Variants in RTN1 observed in about 807,000 individuals in gnomAD.
RTN1 encodes the protein reticulon 1, also known as reticulon-1.
RTN1 carries 25 observed loss-of-function variants against 65.5 expected under a neutral mutation model. The ratio of observed to expected loss-of-function variants is 0.38; its 90% CI spans 0.28 to 0.53. RTN1 has a LOEUF of 0.53. Ranked by LOEUF, RTN1 falls within the 20% of genes least tolerant of loss-of-function variation. The probability of loss-of-function intolerance (pLI) is 0.79; values close to 1 mark genes in which losing one functional copy is unlikely to be tolerated. For missense variants in RTN1, 983 were observed against 1,025.4 expected, an observed-to-expected ratio of 0.96 and a Z score of 0.57; for synonymous variants, 471 against 447.6, an observed-to-expected ratio of 1.05 and a Z score of -0.66.
chr14:59,806,838 G>A (rs183908165), intron 1 of RTN1, among the ~76,000 whole-genome samples: 3 of 152,318 alleles, frequency 2.0e-5, no homozygotes, highest in Admixed American at 6.5e-5. Flanking sequence ...TGGTGTATAT[G>A]TACTTCATCT....
chr14:59,655,129 A>G (rs1271567914), intron 3 of RTN1, among the ~76,000 whole-genome samples: 1 of 152,242 alleles, frequency 6.6e-6, no homozygotes, highest in Non-Finnish European at 1.5e-5. Context: ...CAAAGTTAAT[A>G]TACAATACTC....
intron 3 of RTN1, among the ~76,000 whole-genome samples, chr14:59,706,612 G>A (rs966302356): frequency 2.6e-5 from 4 of 152,214 alleles, no homozygotes; most frequent in African/African-American, 9.6e-5. Context: ...GCACATGTGA[G>A]TGTGTGCACA....
At chr14:59,623,429 C>T (rs946386781) in intron 3 of RTN1, among the ~76,000 whole-genome samples, 5 of 152,192 alleles carry the variant, frequency 3.3e-5, no homozygotes, top group Admixed American at 2.6e-4. Context: ...TCCTCCTCCT[C>T]CTAGACCTCT....
At position 59,746,128 on chromosome 14, in the gene RTN1, T is replaced by C. The variant is rs1594717016; in HGVS notation, c.595A>G (p.Ile199Val). 6.2e-7 allele frequency: 1 copy of C among 1,611,198 alleles called. No homozygotes were observed. Among genetic ancestry groups the C allele is most frequent in the South Asian group, 1.1e-5 (1 of 90,498 alleles). ...MKAEAYKYID[I>V]TRPEEVKHQE... ...TGCTTCACCTCCTCGGGTCTGGTTA[T>C]GTCAATGTATTTATAGGCCTCTGCT... The change falls in exon 2 of 9, where the codon ATA becomes GTA. Residue 199 changes from isoleucine (I) to valine (V), a missense_variant. Physicochemically the swap from Ile to Val is conservative, Grantham distance 29 (BLOSUM62 3). This residue lies in a region of RTN1 where 818 missense variants were observed against 801.8 expected (regional missense o/e 1.02). Coordinates refer to ENST00000267484, the MANE Select transcript of RTN1 (RefSeq NM_021136.3).
chr14:59,837,142 A>G (rs1887226832), intron 1 of RTN1, among the ~76,000 whole-genome samples: 1 of 152,156 alleles, frequency 6.6e-6, no homozygotes. Context: ...GATCAATGTA[A>G]CAGAGTAGGA....
chr14:59,690,169 G>A (rs528784857), intron 3 of RTN1, among the ~76,000 whole-genome samples: 17 of 152,056 alleles, frequency 1.1e-4, no homozygotes, highest in African/African-American at 3.4e-4. Context: ...GCACAGAGTG[G>A]CAAGTTGAAT....
At chr14:59,847,381 T>C (rs1426987358) in intron 1 of RTN1, among the ~76,000 whole-genome samples, 1 of 152,220 alleles carries the variant, frequency 6.6e-6, no homozygotes, top group Non-Finnish European at 1.5e-5. Flanking sequence ...TATTTTAAAG[T>C]ACATAATGAT....
intron 3 of RTN1, among the ~76,000 whole-genome samples, chr14:59,697,609 C>A (rs150012125): frequency 6.6e-6 from 1 of 152,032 alleles, no homozygotes; most frequent in Non-Finnish European, 1.5e-5. Flanking sequence ...GTTAGCCTAA[C>A]AATATAAAAT....
intron 4 of RTN1, among the ~76,000 whole-genome samples, chr14:59,606,512 G>A (rs1029837953): frequency 5.3e-5 from 8 of 152,160 alleles, no homozygotes; most frequent in African/African-American, 1.9e-4. Flanking sequence ...CACAGTGAAA[G>A]TGAGGACACA....
chr14:59,751,013 C>A lies in RTN1; in HGVS notation c.242-4532G>T, dbSNP rs577657641. Among the ~76,000 whole-genome samples the A allele has an allele frequency of 5.3e-5, 8 of 151,432 alleles. No individual in the cohort carries two copies. The South Asian group carries it at 1.7e-3, about 31-fold the overall frequency. Reference sequence around the variant, plus strand: ...GATTACCGGCATTGAGTCACCTCACCTGACCAAGGAAAGTAATTTTGAAGT... The same window carrying A: ...GATTACCGGCATTGAGTCACCTCACATGACCAAGGAAAGTAATTTTGAAGT... On this transcript the variant is annotated intron_variant, in intron 1 of 8. Transcript: ENST00000267484.
intron 3 of RTN1, among the ~76,000 whole-genome samples, chr14:59,710,968 C>T (rs543363886): frequency 2.8e-4 from 43 of 152,322 alleles, no homozygotes; most frequent in Middle Eastern, 3.4e-3. Context: ...ATATTCATTA[C>T]ATTTTATAGA....
At chr14:59,623,105 A>G (rs184663952) in intron 3 of RTN1, among the ~76,000 whole-genome samples, 1 of 152,372 alleles carries the variant, frequency 6.6e-6, no homozygotes, top group African/African-American at 2.4e-5. Flanking sequence ...TGTCAAAGCC[A>G]CAGCCAACAG....
intron 1 of RTN1, among the ~76,000 whole-genome samples, chr14:59,776,904 A>G (rs1886062102): frequency 6.6e-6 from 1 of 152,220 alleles, no homozygotes; most frequent in African/African-American, 2.4e-5. Context: ...TCAGAGGGAC[A>G]TGAGTGAGAT....
chr14:59,846,368 C>G lies in RTN1; in HGVS notation c.241+24022G>C, dbSNP rs1007685631. Among the ~76,000 whole-genome samples the G allele has an allele frequency of 2.0e-5, 3 of 152,160 alleles. No individual in the cohort carries two copies. Among genetic ancestry groups the G allele is most frequent in the African/African-American group, 7.2e-5 (3 of 41,440 alleles). ...ACAGCACTCTTCTCATCCCAGCACC[C>G]ATATCTGTGCAGCCACAGCCCATGG... On this transcript the variant is annotated intron_variant, in intron 1 of 8. Transcript: ENST00000267484. The surrounding 1 kb of genome is among the most constrained non-coding windows in gnomAD (Gnocchi z 4.8).
intron 3 of RTN1, among the ~76,000 whole-genome samples, chr14:59,643,816 A>G (rs1258895880): frequency 6.6e-6 from 1 of 152,202 alleles, no homozygotes; most frequent in Non-Finnish European, 1.5e-5. Flanking sequence ...AAGTTGTCAC[A>G]TTATATTAAC....
chr14:59,661,379 G>A (rs150130760), intron 3 of RTN1, among the ~76,000 whole-genome samples: 61,212 of 151,630 alleles, frequency 0.4, 12,927 homozygotes, highest in African/African-American at 0.51. Flanking sequence ...GAAAAAGAGG[G>A]AATCCTCCCT....
intron 2 of RTN1, among the ~76,000 whole-genome samples, chr14:59,735,607 A>G (rs1011290716): frequency 2.0e-5 from 3 of 152,226 alleles, no homozygotes; most frequent in African/African-American, 7.2e-5. Flanking sequence ...GACAAAGCAG[A>G]TTTTAAACCA....
intron 3 of RTN1, among the ~76,000 whole-genome samples, chr14:59,611,579 G>A (rs755498986): frequency 2.0e-4 from 31 of 151,974 alleles, no homozygotes; most frequent in East Asian, 9.7e-4. Flanking sequence ...TAGCCCCATC[G>A]TGGAGTGTCT....
intron 2 of RTN1, among the ~76,000 whole-genome samples, chr14:59,743,014 T>C (rs897808368): frequency 6.6e-6 from 1 of 152,226 alleles, no homozygotes. Context: ...GGGATGTATA[T>C]GGAGAGAGGA....
Sources: allele counts gnomAD v4.1 joint callset (sites outside exome capture counted in the v4.1 genomes callset), GRCh38; gene constraint gnomAD v4.1.1; regional missense constraint gnomAD v4.1.1; non-coding constraint Gnocchi (gnomAD v3.1); transcripts MANE v1.5; gene names NCBI Gene and HGNC (gene_info 2026-07-23, HGNC 2026-07-21).